The following GLCCI1 variants were observed in gnomAD, a reference collection of about 807,000 sequenced individuals.
GLCCI1 encodes the protein glucocorticoid-induced transcript 1 protein.
GLCCI1 carries 24 observed loss-of-function variants against 52.2 expected under a neutral mutation model. The ratio of observed to expected loss-of-function variants is 0.46; its 90% CI spans 0.33 to 0.65. The LOEUF is 0.65. Ranked by LOEUF, GLCCI1 falls within the 30% of genes least tolerant of loss-of-function variation. GLCCI1 has a pLI of 0.02. For missense variants in GLCCI1, 704 were observed against 701.5 expected (o/e 1.00, Z -0.04); for synonymous variants, 310 against 276.5 (o/e 1.12, Z -1.20).
At chr7:8,053,315 G>GTTTTTT (rs71014751) in intron 3 of GLCCI1, among the ~76,000 whole-genome samples, 7 of 129,982 alleles carry the variant, frequency 5.4e-5, no homozygotes, top group African/African-American at 1.7e-4. Flanking sequence ...TTTTGTTTTC[G>GTTTTTT]TTTTTTTTTT....
chr7:7,978,099 A>G (rs1780533399), intron 1 of GLCCI1, among the ~76,000 whole-genome samples: 1 of 152,234 alleles, frequency 6.6e-6, no homozygotes, highest in African/African-American at 2.4e-5. Flanking sequence ...AAGTATCCCC[A>G]GTAATTATGC....
chr7:8,070,600 A>G (rs1340657234), intron 5 of GLCCI1: 1 of 182,224 alleles, frequency 5.5e-6, no homozygotes, highest in Non-Finnish European at 1.1e-5. Context: ...TGTTTACTGA[A>G]TATCTGCCAT....
At chr7:7,986,033 C>T (rs1472407428) in intron 1 of GLCCI1, among the ~76,000 whole-genome samples, 1 of 152,152 alleles carries the variant, frequency 6.6e-6, no homozygotes, top group Admixed American at 6.5e-5. Flanking sequence ...GTTTACAAAT[C>T]TGAATTTTTT....
chr7:8,046,845 CTTTT>C (rs1782140182), intron 3 of GLCCI1, among the ~76,000 whole-genome samples: 1 of 152,100 alleles, frequency 6.6e-6, no homozygotes. Flanking sequence ...CAGAGTTTGA[CTTTT>C]TTTGTTGACA....
chr7:8,056,421 A>G (rs1207616509), intron 4 of GLCCI1, among the ~76,000 whole-genome samples: 2 of 152,174 alleles, frequency 1.3e-5, no homozygotes, highest in Non-Finnish European at 2.9e-5. Flanking sequence ...ATCTCATTTA[A>G]TCTTCCTAAC....
At chr7:7,976,654 G>A (rs1190708849) in intron 1 of GLCCI1, among the ~76,000 whole-genome samples, 1 of 151,896 alleles carries the variant, frequency 6.6e-6, no homozygotes, top group Non-Finnish European at 1.5e-5. Flanking sequence ...GCTCACACCT[G>A]TAATCCCAGC....
chr7:8,050,834 A>AT (rs1254279640), intron 3 of GLCCI1, among the ~76,000 whole-genome samples: 2 of 152,146 alleles, frequency 1.3e-5, no homozygotes, highest in African/African-American at 2.4e-5. Flanking sequence ...TTAGCAATAT[A>AT]TTTTTTTAAC....
chr7:7,991,870 G>A (rs1326860723), intron 1 of GLCCI1, among the ~76,000 whole-genome samples: 2 of 151,994 alleles, frequency 1.3e-5, no homozygotes, highest in Non-Finnish European at 2.9e-5. Flanking sequence ...CAGGCTTGGA[G>A]GGAGAGAATA....
At chr7:8,065,244 TG>T (rs1782606965) in intron 5 of GLCCI1, among the ~76,000 whole-genome samples, 1 of 152,218 alleles carries the variant, frequency 6.6e-6, no homozygotes, top group Non-Finnish European at 1.5e-5. Context: ...TACTGATTTT[TG>T]TATGTTTTGT....
chr7:8,076,849 A>C (rs1268745711), intron 6 of GLCCI1, among the ~76,000 whole-genome samples: 1 of 152,116 alleles, frequency 6.6e-6, no homozygotes, highest in Non-Finnish European at 1.5e-5. Flanking sequence ...TTTGAGTATT[A>C]AGACCTTTGT....
chr7:7,998,639 C>T (rs1780993212), intron 1 of GLCCI1, among the ~76,000 whole-genome samples: 1 of 152,148 alleles, frequency 6.6e-6, no homozygotes, highest in Admixed American at 6.5e-5. Flanking sequence ...TTCTAGTGTT[C>T]CTAAGCATTC....
At chr7:8,056,081 TG>T (rs946939070) in intron 4 of GLCCI1, among the ~76,000 whole-genome samples, 3 of 151,802 alleles carry the variant, frequency 2.0e-5, no homozygotes, top group Admixed American at 2.0e-4. Flanking sequence ...GTGGATCACT[TG>T]AGGTCAGGAG....
chr7:8,011,151 A>G (rs1396012833), intron 2 of GLCCI1, among the ~76,000 whole-genome samples: 6 of 152,280 alleles, frequency 3.9e-5, no homozygotes, highest in Non-Finnish European at 7.4e-5. Context: ...GAAATTTACC[A>G]TGAGTGAAAA....
At position 7,969,667 on chromosome 7, in the gene GLCCI1, C is replaced by T. The variant is rs1348352816; in HGVS notation, c.317C>T (p.Pro106Leu). 5.6e-6 allele frequency: 6 copies of T among 1,069,280 alleles called. No individual in the cohort carries two copies. Among genetic ancestry groups the T allele is most frequent in the Admixed American group, 6.0e-5 (1 of 16,726 alleles). 66.2% of individuals were successfully genotyped at this position (1,069,280 alleles called of 1,614,324 possible). A position where few individuals can be genotyped will look rare whatever the true frequency, so the allele number is the denominator to read the frequency against. ...PGPGAARGPS[P>L]SSPTPPAAAA... The stretch of plus-strand genomic sequence containing the variant: ...CCCGGCGCGGCCCGCGGCCCCAGCC[C>T]GTCCAGCCCGACGCCGCCGGCGGCC... The change falls in exon 1 of 8, where the codon CCG becomes CTG. Residue 106 changes from proline to leucine, a missense_variant. Pro to Leu is a moderately conservative substitution (Grantham distance 98). This residue lies in a region of GLCCI1 where 547 missense variants were observed against 524.8 expected (regional missense o/e 1.04). Coordinates refer to ENST00000223145, the MANE Select transcript of GLCCI1 (RefSeq NM_138426.4). The surrounding 1 kb of genome is among the most constrained non-coding windows in gnomAD (Gnocchi z 4.9).
intron 3 of GLCCI1, among the ~76,000 whole-genome samples, chr7:8,043,123 T>C (rs1782039793): frequency 6.6e-6 from 1 of 152,220 alleles, no homozygotes; most frequent in Non-Finnish European, 1.5e-5. Context: ...AATAAAGTAT[T>C]TTAAAATTAA....
chr7:8,079,702 TC>T (rs1422896671), intron 6 of GLCCI1, among the ~76,000 whole-genome samples: 1 of 151,504 alleles, frequency 6.6e-6, no homozygotes, highest in East Asian at 1.9e-4. Context: ...TAAGTTGGCA[TC>T]AATTTAATTC....
intron 2 of GLCCI1, among the ~76,000 whole-genome samples, chr7:8,007,807 A>T (rs564889177): frequency 1.3e-5 from 2 of 152,234 alleles, no homozygotes; most frequent in African/African-American, 2.4e-5. Flanking sequence ...AGCTTGACAT[A>T]AAAAAATTAA....
intron 1 of GLCCI1, among the ~76,000 whole-genome samples, chr7:7,976,818 G>C (rs151314571): frequency 6.6e-6 from 1 of 151,738 alleles, no homozygotes; most frequent in Non-Finnish European, 1.5e-5. Context: ...ATCCTCCTGA[G>C]TGATCCTCAA....
intron 2 of GLCCI1, among the ~76,000 whole-genome samples, chr7:8,016,361 C>A (rs938499143): frequency 1.3e-5 from 2 of 151,720 alleles, no homozygotes; most frequent in Non-Finnish European, 2.9e-5. Flanking sequence ...CCCAACTACT[C>A]GGGAGGCTGA....
Sources: gnomAD v4.1 joint callset for allele counts (sites outside exome capture counted in the v4.1 genomes callset) on GRCh38, gnomAD v4.1.1 for gene constraint, gnomAD v4.1.1 regional missense constraint, Gnocchi (gnomAD v3.1) non-coding constraint, MANE v1.5 for transcripts, NCBI Gene and HGNC (gene_info 2026-07-23, HGNC 2026-07-21) for gene names.